The following LTBR variants were observed in gnomAD, a reference collection of about 807,000 sequenced individuals.
LTBR encodes the protein lymphotoxin beta receptor.
In LTBR, 15 loss-of-function variants were observed where a neutral mutation model predicts 45.4. The ratio of observed to expected loss-of-function variants is 0.33; its 90% CI spans 0.22 to 0.51. The LOEUF (loss-of-function observed/expected upper bound fraction) is 0.51. Ranked by LOEUF, LTBR falls within the 20% of genes least tolerant of loss-of-function variation. The pLI, the probability that LTBR is intolerant of heterozygous loss-of-function variation, is 0.97. For synonymous variants in LTBR, 228 were observed against 231.0 expected, an observed-to-expected ratio of 0.99 and a Z score of 0.12; for missense variants, 450 against 565.5, an observed-to-expected ratio of 0.80 and a Z score of 2.07.
At chr12:6,376,359 G>A (rs986355336) in intron 1 of LTBR, among the ~76,000 whole-genome samples, 2 of 152,242 alleles carry the variant, frequency 1.3e-5, no homozygotes, top group African/African-American at 4.8e-5. Flanking sequence ...TGCCAGGCCA[G>A]GAATGTGTAA....
Position 6,388,302 on chromosome 12 carries a change from T to C in LTBR, c.668-96T>C. ...GAAAAAAGCTGCTCCCTTTTCTCTG[T>C]CTGGGTTGCCCAGGGATCTGGAAAG... On this transcript the variant is annotated intron_variant, in intron 6 of 9. Coordinates refer to ENST00000228918, the MANE Select transcript of LTBR (RefSeq NM_002342.3). The surrounding 1 kb of genome is among the most constrained non-coding windows in gnomAD (Gnocchi z 4.3). 2 of 877,632 alleles carry C rather than the reference T, an allele frequency of 2.3e-6. No homozygotes were observed. The highest frequency in any genetic ancestry group is 2.5e-5 in the East Asian group (1 of 40,432). 54.4% of individuals were successfully genotyped at this position (877,632 alleles called of 1,614,324 possible). A position where few individuals can be genotyped will look rare whatever the true frequency, so the allele number is the denominator to read the frequency against.
At position 6,388,624 on chromosome 12, in the gene LTBR, A is replaced by T; in HGVS notation, c.775+119A>T. ...CTCCCAATGCCTACCCCCAACATAGACATCCTTATCTTCATCCAGCTGCTT... is the reference window on the plus strand; with the variant it reads ...CTCCCAATGCCTACCCCCAACATAGTCATCCTTATCTTCATCCAGCTGCTT... On this transcript the variant is annotated intron_variant, in intron 7 of 9. Coordinates refer to ENST00000228918, the MANE Select transcript of LTBR (RefSeq NM_002342.3). The surrounding 1 kb of genome is among the most constrained non-coding windows in gnomAD (Gnocchi z 4.3). The T allele has an allele frequency of 9.1e-7, 1 of 1,095,870 alleles. No individual in the cohort carries two copies. The highest frequency in any genetic ancestry group is 1.4e-6 in the Non-Finnish European group (1 of 724,428). 67.9% of individuals were successfully genotyped at this position (1,095,870 alleles called of 1,614,324 possible). A position where few individuals can be genotyped will look rare whatever the true frequency, so the allele number is the denominator to read the frequency against.
chr12:6,384,427 G>T lies in LTBR; in HGVS notation c.69G>T (p.Gly23=), dbSNP rs764542061. 3.9e-6 allele frequency: 6 copies of T among 1,547,314 alleles called. No individual in the cohort carries two copies. The highest frequency in any genetic ancestry group is 5.2e-6 in the Non-Finnish European group (6 of 1,149,472). Residue 23 remains glycine, a synonymous_variant, in exon 1 of 10, where the codon GGG becomes GGT. Transcript: ENST00000228918. ...GGCCTCTGGTGCTGGGCCTCTTCGG[G>T]CTCCTGGCAGCATCGCAGCCCCAGG... ...AWGPLVLGLF[G]LLAASQPQAV... is the part of the protein sequence containing the mutation.
chr12:6,388,625 C>A lies in LTBR; in HGVS notation c.775+120C>A. On this transcript the variant is annotated intron_variant, in intron 7 of 9. Transcript: ENST00000228918. This position sits in a 1 kb window ranked among gnomAD's most constrained non-coding sequence, Gnocchi z 4.3. ...TCCCAATGCCTACCCCCAACATAGA[C>A]ATCCTTATCTTCATCCAGCTGCTTA... is the stretch of plus-strand genomic sequence containing the variant. 9.2e-7 allele frequency: 1 copy of A among 1,091,898 alleles called. No individual in the cohort carries two copies. Among genetic ancestry groups the A allele is most frequent in the Non-Finnish European group, 1.4e-6 (1 of 720,846 alleles). 67.6% of individuals were successfully genotyped at this position (1,091,898 alleles called of 1,614,324 possible). A position where few individuals can be genotyped will look rare whatever the true frequency, so the allele number is the denominator to read the frequency against.
chr12:6,381,655 G>T (rs142821861), upstream of LTBR, among the ~76,000 whole-genome samples: 1 of 152,230 alleles, frequency 6.6e-6, no homozygotes, highest in Non-Finnish European at 1.5e-5. Context: ...ACTGGGAAGG[G>T]CATGTAGCAA....
At chr12:6,380,606 C>T (rs966983234), upstream of LTBR, among the ~76,000 whole-genome samples, 7 of 151,804 alleles carry the variant, frequency 4.6e-5, no homozygotes, top group Admixed American at 3.9e-4. Context: ...AGGAAAATCA[C>T]TTGAACCTGG....
At chr12:6,383,737 C>T (rs977197427), upstream of LTBR, among the ~76,000 whole-genome samples, 2 of 152,196 alleles carry the variant, frequency 1.3e-5, no homozygotes, top group African/African-American at 4.8e-5. Flanking sequence ...GGGAGGAACC[C>T]GGGCATCTGC....
chr12:6,377,958 A>T (rs528516820), intron 1 of LTBR, among the ~76,000 whole-genome samples: 9 of 152,358 alleles, frequency 5.9e-5, no homozygotes, highest in African/African-American at 2.2e-4. Context: ...GGGCTAGAAC[A>T]GGCTTGGTGT....
upstream of LTBR, among the ~76,000 whole-genome samples, chr12:6,381,532 A>T (rs1948984566): frequency 6.6e-6 from 1 of 152,202 alleles, no homozygotes; most frequent in Non-Finnish European, 1.5e-5. Flanking sequence ...TAGAGAGTCC[A>T]TGAGGGCTGA....
Position 6,384,285 on chromosome 12 carries a change from GCTGCCCAGGACGTCGGGC to G in LTBR, c.-71_-54del. ...CTGGGCTCGGGCAGCCGCCGCCACCGCTGCCCAGGACGTCGGGCCTCCTGCCTTCCTCCCAGGCCCCCA... is the reference window on the plus strand; with the variant it reads ...CTGGGCTCGGGCAGCCGCCGCCACCGCTCCTGCCTTCCTCCCAGGCCCCCA... On this transcript the variant is annotated 5_prime_UTR_variant, in exon 1 of 10. Transcript: ENST00000228918. 7.0e-7 allele frequency: 1 copy of G among 1,420,840 alleles called. No individual in the cohort carries two copies. The highest frequency in any genetic ancestry group is 9.2e-7 in the Non-Finnish European group (1 of 1,092,596). 88.0% of individuals were successfully genotyped at this position (1,420,840 alleles called of 1,614,324 possible). A position where few individuals can be genotyped will look rare whatever the true frequency, so the allele number is the denominator to read the frequency against.
chr12:6,387,639 C>T (rs1949063904), intron 6 of LTBR: 1 of 232,298 alleles, frequency 4.3e-6, no homozygotes, highest in South Asian at 3.9e-5. Context: ...CATAGAAATG[C>T]GGGAGTCCTC....
At position 6,384,693 on chromosome 12, in the gene LTBR, C is replaced by G. The variant is rs1949018701; in HGVS notation, c.193+9C>G. 6.2e-7 allele frequency: 1 copy of G among 1,613,222 alleles called. No individual in the cohort carries two copies. Among genetic ancestry groups the G allele is most frequent in the Non-Finnish European group, 8.5e-7 (1 of 1,179,274 alleles). On this transcript the variant is annotated intron_variant, in intron 2 of 9. Transcript: ENST00000228918. The stretch of plus-strand genomic sequence containing the variant: ...CTCCCGCTGCCCGCCAGGTGAGAGG[C>G]AATGGCAGGACGAACCTGGGCCTCG...
At chr12:6,378,954 C>G (rs145389209) in intron 1 of LTBR, among the ~76,000 whole-genome samples, 1 of 152,212 alleles carries the variant, frequency 6.6e-6, no homozygotes, top group African/African-American at 2.4e-5. Flanking sequence ...GAAGTGAAAC[C>G]AGAGGGGCTG....
Position 6,390,163 on chromosome 12 carries a change from C to A in LTBR, c.853C>A (p.Pro285Thr), listed in dbSNP as rs1029284604. The A allele has an allele frequency of 6.2e-7, 1 of 1,614,126 alleles. No homozygotes were observed. The highest frequency in any genetic ancestry group is 8.5e-7 in the Non-Finnish European group (1 of 1,180,026). Residue 285 changes from proline to threonine, a missense_variant, in exon 9 of 10, where the codon CCA (proline) becomes ACA (threonine). Physicochemically the swap from Pro to Thr is conservative, Grantham distance 38. This residue lies in a region of LTBR where 367 missense variants were observed against 435.4 expected (regional missense o/e 0.84). Coordinates refer to ENST00000228918, the MANE Select transcript of LTBR (RefSeq NM_002342.3). ...AGSWEPPKAH[P>T]YFPDLVQPLL... ...AAGCTGGGAGCCTCCGAAGGCCCATCCATACTTCCCTGACTTGGTACAGCC... is the reference window on the plus strand; with the variant it reads ...AAGCTGGGAGCCTCCGAAGGCCCATACATACTTCCCTGACTTGGTACAGCC...
At chr12:6,385,832 GA>G (rs1949037032) in intron 4 of LTBR, 1 of 421,466 alleles carries the variant, frequency 2.4e-6, no homozygotes, top group Non-Finnish European at 4.3e-6. Context: ...GTGAACTTGG[GA>G]GGCGGAGCTT....
At chr12:6,375,894 G>T (rs1484682201) in intron 1 of LTBR, 2 of 1,244,164 alleles carry the variant, frequency 1.6e-6, no homozygotes, top group Middle Eastern at 3.1e-4. Context: ...CAGAAAGAGG[G>T]AGACAATAGA....
upstream of LTBR, chr12:6,375,355 C>T (rs72645133): frequency 8.5e-5 from 123 of 1,451,198 alleles, no homozygotes; most frequent in African/African-American, 1.3e-3. Context: ...GCCCTGACCT[C>T]GAGCTGTGTC....
chr12:6,387,464 C>CTA (rs1949062549), intron 6 of LTBR: 1 of 154,490 alleles, frequency 6.5e-6, no homozygotes, highest in South Asian at 1.9e-4. Flanking sequence ...TAACCTCATC[C>CTA]TATATATGAA....
chr12:6,388,727 T>C lies in LTBR; in HGVS notation c.776-73T>C. 1.9e-6 allele frequency: 3 copies of C among 1,586,766 alleles called. No individual in the cohort carries two copies. In the South Asian group the frequency reaches 3.3e-5, roughly 18 times the overall value. On this transcript the variant is annotated intron_variant, in intron 7 of 9. Coordinates refer to ENST00000228918, the MANE Select transcript of LTBR (RefSeq NM_002342.3). The surrounding 1 kb of genome is among the most constrained non-coding windows in gnomAD (Gnocchi z 4.3). ...GTGGTCAAGTTGCTACACATTGTGC[T>C]GGGATGTGGAGGCTGAAAGGCTAGG...
Sources: allele counts gnomAD v4.1 joint callset (sites outside exome capture counted in the v4.1 genomes callset), GRCh38; gene constraint gnomAD v4.1.1; regional missense constraint gnomAD v4.1.1; non-coding constraint Gnocchi (gnomAD v3.1); transcripts MANE v1.5; gene names NCBI Gene and HGNC (gene_info 2026-07-23, HGNC 2026-07-21).